The following TSPEAR variants were observed in gnomAD, a reference collection of about 807,000 sequenced individuals.
TSPEAR encodes thrombospondin type laminin G domain and EAR repeats.
In TSPEAR, 69 loss-of-function variants were observed where a neutral mutation model predicts 71.6. The observed-to-expected ratio is 0.96, with a 90% confidence interval of 0.79 to 1.18. The LOEUF is 1.18. TSPEAR is among the 50% of genes most tolerant of loss of function. The pLI, the probability that TSPEAR is intolerant of heterozygous loss-of-function variation, is 0.00. For synonymous variants in TSPEAR, 402 were observed against 387.2 expected (o/e 1.04, Z -0.45); for missense variants, 971 against 894.9 (o/e 1.09, Z -1.09).
chr21:44,552,389 C>T (rs1555919209), intron 2 of TSPEAR, among the ~76,000 whole-genome samples: 1 of 152,168 alleles, frequency 6.6e-6, no homozygotes, highest in African/African-American at 2.4e-5. Context: ...CTGGTTCTCA[C>T]CAGGAACCAG....
At chr21:44,590,067 G>GTGA (rs72247916) in intron 1 of TSPEAR, among the ~76,000 whole-genome samples, 4,716 of 152,334 alleles carry the variant, frequency 0.031, 248 homozygotes, top group African/African-American at 0.11. Context: ...GCTGTCCTGG[G>GTGA]TCTGCCTGGA....
At chr21:44,558,446 G>T in intron 2 of TSPEAR, 1 of 1,614,082 alleles carries the variant, frequency 6.2e-7, no homozygotes, top group African/African-American at 1.3e-5. Flanking sequence ...GGGAGGATGT[G>T]CAGCAAGCTG....
chr21:44,619,988 T>G (rs183208723), intron 1 of TSPEAR, among the ~76,000 whole-genome samples: 92 of 152,306 alleles, frequency 6.0e-4, no homozygotes, highest in Non-Finnish European at 1.1e-3. Flanking sequence ...ACTTCCAGAA[T>G]TGAGGAAACA....
chr21:44,681,048 T>C (rs1986560781), intron 1 of TSPEAR, among the ~76,000 whole-genome samples: 4 of 152,236 alleles, frequency 2.6e-5, no homozygotes, highest in Admixed American at 2.6e-4. Context: ...GACAAGGTGA[T>C]GAATATCCTG....
At chr21:44,516,186 A>T (rs1355527380) in intron 9 of TSPEAR, 2 of 152,316 alleles carry the variant, frequency 1.3e-5, no homozygotes, top group African/African-American at 4.8e-5. Context: ...AAAACAGGAA[A>T]ACAAGGAAGG....
rs916869413 is a variant in TSPEAR at position 44,702,534 on chromosome 21, G to T, written c.82+8899C>A. 3.7e-6 allele frequency: 6 copies of T among 1,607,704 alleles called. No individual in the cohort carries two copies. The South Asian group carries it at 5.5e-5, about 15-fold the overall frequency. Reference sequence around the variant, plus strand: ...TCTGCTGTGTGCCTGTCTGCTCTGGGGCTTCCTCCCTGTGCTGCCAGCAGT... The same window carrying T: ...TCTGCTGTGTGCCTGTCTGCTCTGGTGCTTCCTCCCTGTGCTGCCAGCAGT... On this transcript the variant is annotated intron_variant, in intron 1 of 11. Transcript: ENST00000323084.
intron 2 of TSPEAR, among the ~76,000 whole-genome samples, chr21:44,554,887 T>G (rs2053501422): frequency 6.6e-6 from 1 of 152,156 alleles, no homozygotes. Flanking sequence ...GAGAAGCGGG[T>G]GGGGGTGGAA....
intron 1 of TSPEAR, among the ~76,000 whole-genome samples, chr21:44,621,001 C>T (rs1270668528): frequency 6.6e-6 from 1 of 152,140 alleles, no homozygotes; most frequent in Non-Finnish European, 1.5e-5. Flanking sequence ...TAGTTTCCTT[C>T]CATTGTAATC....
chr21:44,612,138 C>T lies in TSPEAR; in HGVS notation c.83-44133G>A. 5.0e-6 allele frequency: 8 copies of T among 1,614,110 alleles called. No individual in the cohort carries two copies. The highest frequency in any genetic ancestry group is 6.8e-6 in the Non-Finnish European group (8 of 1,180,000). ...TGCTGCACCAGGACGTATGTGATTG[C>T]TGCATCCACCATGTCTGTCTGCTCC... On this transcript the variant is annotated intron_variant, in intron 1 of 11. Coordinates refer to ENST00000323084, the MANE Select transcript of TSPEAR (RefSeq NM_144991.3). This position sits in a 1 kb window ranked among gnomAD's most constrained non-coding sequence, Gnocchi z 4.1.
At chr21:44,542,216 A>G (rs1055868038) in intron 2 of TSPEAR, among the ~76,000 whole-genome samples, 1 of 152,204 alleles carries the variant, frequency 6.6e-6, no homozygotes, top group South Asian at 2.1e-4. Flanking sequence ...GACAAAACCA[A>G]AGAGAAGATT....
At chr21:44,513,507 C>T (rs1555912982) in intron 9 of TSPEAR, among the ~76,000 whole-genome samples, 1 of 152,234 alleles carries the variant, frequency 6.6e-6, no homozygotes, top group African/African-American at 2.4e-5. Flanking sequence ...TGGGCAGGCC[C>T]TTCCCGCCCT....
intron 9 of TSPEAR, among the ~76,000 whole-genome samples, 198 bp from the exon 10 acceptor site, chr21:44,509,584 C>T (rs1052246971): frequency 6.6e-5 from 10 of 151,300 alleles, no homozygotes; most frequent in Non-Finnish European, 1.3e-4. Flanking sequence ...GGAGAGCGGG[C>T]GCAGAGGTGT....
intron 11 of TSPEAR, among the ~76,000 whole-genome samples, chr21:44,500,923 C>T (rs2052017879): frequency 2.0e-5 from 3 of 152,156 alleles, no homozygotes; most frequent in South Asian, 2.1e-4. Flanking sequence ...CACAGGTGGT[C>T]GACCCAGTGC....
At chr21:44,665,564 T>C (rs181357389) in intron 1 of TSPEAR, among the ~76,000 whole-genome samples, 1 of 152,234 alleles carries the variant, frequency 6.6e-6, no homozygotes, top group African/African-American at 2.4e-5. Context: ...CAGGAATACA[T>C]AGAGATATGA....
intron 9 of TSPEAR, chr21:44,517,734 T>C (rs7275609): frequency 0.026 from 12,164 of 470,906 alleles, 1,101 homozygotes; most frequent in African/African-American, 0.2. Flanking sequence ...GGGGGCTCTG[T>C]GGACATCACT....
At chr21:44,697,784 G>C in intron 1 of TSPEAR, 1 of 1,613,754 alleles carries the variant, frequency 6.2e-7, no homozygotes, top group Non-Finnish European at 8.5e-7. Context: ...CTCCTCCTCC[G>C]TGTCCCTCCT....
At position 44,612,363 on chromosome 21, in the gene TSPEAR, C is replaced by G. The variant is rs782304861; in HGVS notation, c.83-44358G>C. The stretch of plus-strand genomic sequence containing the variant: ...AGCTGTGAGCCCAGCCCCTGCCAAT[C>G]AGGCTGCACCGACTCCTGCACACCT... On this transcript the variant is annotated intron_variant, in intron 1 of 11. Transcript: ENST00000323084. This position sits in a 1 kb window ranked among gnomAD's most constrained non-coding sequence, Gnocchi z 4.1. 1.9e-6 allele frequency: 3 copies of G among 1,613,986 alleles called. No homozygotes were observed. The highest frequency in any genetic ancestry group is 3.3e-5 in the Admixed American group (2 of 60,022).
Position 44,625,793 on chromosome 21 carries a change from C to T in TSPEAR, c.83-57788G>A, listed in dbSNP as rs139303996. ...CCTTCTCTCCGGCTGCTCCAGTGAT[C>T]CTGTGCTTCTACCAGCTGCTTCTGC... On this transcript the variant is annotated intron_variant, in intron 1 of 11. Transcript: ENST00000323084. Among the ~76,000 whole-genome samples the T allele has an allele frequency of 8.5e-3, 1,088 of 127,874 alleles. 13 individuals are homozygous for T. The highest frequency in any genetic ancestry group is 0.028 in the Middle Eastern group (7 of 254). The allele number at this position is 127,874 out of a possible 152,430, so 83.9% of individuals were successfully genotyped here. A position where few individuals can be genotyped will look rare whatever the true frequency, so the allele number is the denominator to read the frequency against.
intron 1 of TSPEAR, among the ~76,000 whole-genome samples, chr21:44,622,015 A>G (rs1051787666): frequency 6.6e-6 from 1 of 152,188 alleles, no homozygotes; most frequent in Non-Finnish European, 1.5e-5. Flanking sequence ...CCAAAATGTT[A>G]TATGCATGGA....
Sources: allele counts gnomAD v4.1 joint callset (sites outside exome capture counted in the v4.1 genomes callset), GRCh38; gene constraint gnomAD v4.1.1; non-coding constraint Gnocchi (gnomAD v3.1); transcripts MANE v1.5; gene names NCBI Gene and HGNC (gene_info 2026-07-23, HGNC 2026-07-21).